Variants in LAYN observed in about 807,000 individuals in gnomAD.
LAYN encodes the protein layilin.
A neutral mutation model predicts 43.6 loss-of-function variants in LAYN; 38 were observed. That is an observed-to-expected ratio of 0.87 (90% CI 0.67 to 1.14). The LOEUF is 1.14. LAYN is among the 50% of genes most tolerant of loss of function. The pLI is 0.00. For synonymous variants in LAYN, 168 were observed against 172.9 expected (o/e 0.97, Z 0.22); for missense variants, 479 against 463.8 (o/e 1.03, Z -0.30).
chr11:111,544,216 T>C lies in LAYN; in HGVS notation c.379T>C (p.Phe127Leu), dbSNP rs1867605954. 2.5e-6 allele frequency: 4 copies of C among 1,611,206 alleles called. No individual in the cohort carries two copies. The highest frequency in any genetic ancestry group is 3.4e-5 in the Admixed American group (2 of 59,680). ...YAWTDGSISQ[F>L]RNWYVDEPSC... ...TTGGACTGATGGCAGCATATCACAA[T>C]TTAGGTAAGTGTGTGGAACCCACAG... Residue 127 changes from phenylalanine (F) to leucine (L), a missense_variant, in exon 2 of 7, where the codon TTT becomes CTT. Phe to Leu is a conservative substitution (Grantham distance 22, BLOSUM62 0). Transcript: ENST00000375614.
chr11:111,553,683 G>GT (rs1402059996), intron 3 of LAYN, among the ~76,000 whole-genome samples: 2 of 148,622 alleles, frequency 1.3e-5, no homozygotes, highest in African/African-American at 2.5e-5. Context: ...GTATAACTGG[G>GT]TTTTTTTAAA....
intron 1 of LAYN, 101 bp downstream of exon 1, chr11:111,541,029 G>T: frequency 9.7e-7 from 1 of 1,036,246 alleles, no homozygotes; most frequent in Non-Finnish European, 1.4e-6. Context: ...GGACTAGAAG[G>T]CCGTCCCATG....
At chr11:111,546,650 C>G (rs1867653325) in intron 2 of LAYN, among the ~76,000 whole-genome samples, 1 of 152,214 alleles carries the variant, frequency 6.6e-6, no homozygotes, top group African/African-American at 2.4e-5. Flanking sequence ...GCTTTACCTG[C>G]TTATGCAGTG....
Position 111,543,928 on chromosome 11 carries a change from C to T in LAYN, c.91C>T (p.Pro31Ser), listed in dbSNP as rs1380347687. 6.2e-7 allele frequency: 1 copy of T among 1,605,978 alleles called. No individual in the cohort carries two copies. Among genetic ancestry groups the T allele is most frequent in the Non-Finnish European group, 8.5e-7 (1 of 1,177,010 alleles). The change falls in exon 2 of 7, where the codon CCA (proline) becomes TCA (serine). Residue 31 changes from proline (P) to serine (S), a missense_variant. Transcript: ENST00000375614. The part of the protein sequence containing the change: ...AATGRLLSGQ[P>S]VCRGGTQRPC... ...TTGGCTTCTTTTTTCTCTAGGGCAG[C>T]CAGTCTGCCGGGGAGGGACACAGAG...
chr11:111,556,709 T>C (rs886974736), intron 5 of LAYN, among the ~76,000 whole-genome samples: 8 of 151,940 alleles, frequency 5.3e-5, no homozygotes, highest in Non-Finnish European at 8.8e-5. Context: ...GTTTTGAGGG[T>C]TTAGGGGTTT....
At chr11:111,542,223 C>CG (rs1047829345) in intron 1 of LAYN, among the ~76,000 whole-genome samples, 10 of 152,304 alleles carry the variant, frequency 6.6e-5, no homozygotes, top group East Asian at 1.9e-4. Flanking sequence ...GCCCCCTTCC[C>CG]GGGGGTATCC....
In LAYN at chr11:111,557,597, C is replaced by CT; in HGVS notation, c.717dup (p.Val240CysfsTer13). On this transcript the variant is annotated frameshift_variant, in exon 6 of 7. Transcript: ENST00000375614. LOFTEE classifies it high-confidence loss of function. The stretch of plus-strand genomic sequence containing the variant: ...CCCCAGCATTCCCCTTCTCCTCCTC[C>CT]TTGTGGTCACCACAGTTGTATGTTG... The CT allele has an allele frequency of 6.2e-7, 1 of 1,614,172 alleles. No individual in the cohort carries two copies. Among genetic ancestry groups the CT allele is most frequent in the South Asian group, 1.1e-5 (1 of 91,080 alleles).
intron 1 of LAYN, chr11:111,541,624 G>C: frequency 2.0e-6 from 3 of 1,523,782 alleles, no homozygotes; most frequent in Non-Finnish European, 2.6e-6. Flanking sequence ...CAGTTGTTCT[G>C]CATGTCGGGG....
At chr11:111,559,984 A>G in intron 6 of LAYN, 111 bp from the exon 7 acceptor site, 2 of 1,269,468 alleles carry the variant, frequency 1.6e-6, no homozygotes, top group South Asian at 1.5e-5. Context: ...TAGACGAGAC[A>G]TGCAGCTGGG....
intron 1 of LAYN, chr11:111,541,677 C>G: frequency 2.5e-6 from 3 of 1,207,884 alleles, no homozygotes; most frequent in Non-Finnish European, 3.5e-6. Context: ...TTTGCGGGTG[C>G]CAACAGCTTG....
chr11:111,541,278 G>A (rs1483289062), intron 1 of LAYN: 2 of 600,768 alleles, frequency 3.3e-6, no homozygotes, highest in African/African-American at 3.7e-5. Context: ...CATCGAATCA[G>A]TCCTTGGGAC....
At chr11:111,541,742 C>G (rs900587979) in intron 1 of LAYN, among the ~76,000 whole-genome samples, 3 of 151,948 alleles carry the variant, frequency 2.0e-5, no homozygotes, top group African/African-American at 7.3e-5. Flanking sequence ...TCCTGGCTTG[C>G]GAAACTAATT....
chr11:111,550,769 G>T (rs1055665743), intron 3 of LAYN, among the ~76,000 whole-genome samples: 3 of 152,104 alleles, frequency 2.0e-5, no homozygotes, highest in African/African-American at 7.2e-5. Context: ...TGAAAGCAAG[G>T]CACTTGTTAC....
intron 2 of LAYN, among the ~76,000 whole-genome samples, chr11:111,548,870 G>T (rs939608573): frequency 6.6e-6 from 1 of 152,152 alleles, no homozygotes; most frequent in Non-Finnish European, 1.5e-5. Flanking sequence ...TAAGATCCAA[G>T]GCTTTAACCT....
chr11:111,559,962 C>T, intron 6 of LAYN, 133 bp from the exon 7 acceptor site: 2 of 1,031,484 alleles, frequency 1.9e-6, no homozygotes, highest in Non-Finnish European at 1.4e-6. Flanking sequence ...AAGCCCTGGC[C>T]TGTAAGTTAC....
chr11:111,547,024 A>G (rs1442862165), intron 2 of LAYN, among the ~76,000 whole-genome samples: 1 of 152,156 alleles, frequency 6.6e-6, no homozygotes, highest in Non-Finnish European at 1.5e-5. Context: ...GATCCACTTC[A>G]GAGTTCTTTT....
At chr11:111,541,089 T>C (rs1363792193) in intron 1 of LAYN, among the ~76,000 whole-genome samples, 161 bp downstream of exon 1, 2 of 152,216 alleles carry the variant, frequency 1.3e-5, no homozygotes, top group Non-Finnish European at 2.9e-5. Flanking sequence ...CTGGGGGCAG[T>C]CGCACGGCGT....
intron 3 of LAYN, among the ~76,000 whole-genome samples, chr11:111,553,544 G>C (rs915513335): frequency 6.6e-6 from 1 of 151,608 alleles, no homozygotes; most frequent in Middle Eastern, 3.4e-3. Context: ...GCTTGAACCC[G>C]GGAGGCGGAG....
chr11:111,559,037 C>T (rs1334020405), intron 6 of LAYN, among the ~76,000 whole-genome samples: 4 of 152,144 alleles, frequency 2.6e-5, no homozygotes, highest in East Asian at 1.9e-4. Flanking sequence ...CCGCCCACCT[C>T]AGCTGCCCTA....
Sources: allele counts gnomAD v4.1 joint callset (sites outside exome capture counted in the v4.1 genomes callset), GRCh38; gene constraint gnomAD v4.1.1; transcripts MANE v1.5; gene names NCBI Gene and HGNC (gene_info 2026-07-23, HGNC 2026-07-21).